RNF220: variants seen among roughly 807,000 people sequenced by gnomAD.
The protein encoded by RNF220 is E3 ubiquitin-protein ligase RNF220.
RNF220 carries 7 observed loss-of-function variants against 67.1 expected under a neutral mutation model. That is an observed-to-expected ratio of 0.10 (90% CI 0.06 to 0.20). RNF220 has a LOEUF of 0.20. Among genes scored for constraint, RNF220 ranks in the 10% least tolerant of loss-of-function variants. The pLI is 1.00. For synonymous variants in RNF220, 270 were observed against 283.2 expected (o/e 0.95, Z 0.47); for missense variants, 565 against 740.3 (o/e 0.76, Z 2.75).
At chr1:44,470,573 ACTC>A (rs1370090035) in intron 2 of RNF220, among the ~76,000 whole-genome samples, 2 of 151,642 alleles carry the variant, frequency 1.3e-5, no homozygotes, top group Non-Finnish European at 2.9e-5. Context: ...GACAGTCTCC[ACTC>A]CTCCTCATTT....
chr1:44,579,400 G>A (rs1488875756), intron 2 of RNF220, among the ~76,000 whole-genome samples: 5 of 152,156 alleles, frequency 3.3e-5, no homozygotes, highest in African/African-American at 1.2e-4. Context: ...CTAAGTGCTA[G>A]TGTGCTGCAT....
rs1312162838 is a variant in RNF220 at position 44,557,154 on chromosome 1, A to AATATATATACATATGTATATATT, written c.626-57009_626-56987dup. Among the ~76,000 whole-genome samples the AATATATATACATATGTATATATT allele has an allele frequency of 4.0e-4, 58 of 146,384 alleles. 1 individual carries two copies. The highest frequency in any genetic ancestry group is 2.5e-4 in the Non-Finnish European group (17 of 66,994). ...ATATTTTATATACGTATGTATATAT[A>AATATATATACATATGTATATATT]ATATATATACATATGTATATATTAA... On this transcript the variant is annotated intron_variant, in intron 2 of 14. Coordinates refer to ENST00000361799, the MANE Select transcript of RNF220 (RefSeq NM_018150.4).
intron 2 of RNF220, among the ~76,000 whole-genome samples, chr1:44,438,234 C>T (rs1277287496): frequency 6.6e-6 from 1 of 152,132 alleles, no homozygotes; most frequent in Non-Finnish European, 1.5e-5. Flanking sequence ...GATCCTCACA[C>T]TTCAGCCTCC....
intron 2 of RNF220, among the ~76,000 whole-genome samples, chr1:44,452,726 C>T (rs1038138050): frequency 1.3e-5 from 2 of 152,100 alleles, no homozygotes; most frequent in African/African-American, 2.4e-5. Flanking sequence ...CTGCCTTGGC[C>T]TTCTTGAAGT....
chr1:44,452,399 C>T (rs945997692), intron 2 of RNF220, among the ~76,000 whole-genome samples: 5 of 150,990 alleles, frequency 3.3e-5, no homozygotes, highest in Admixed American at 6.6e-5. Context: ...ACTAAAAATA[C>T]AAAAATTAGC....
intron 2 of RNF220, among the ~76,000 whole-genome samples, chr1:44,440,992 G>A (rs1651487796): frequency 6.6e-6 from 1 of 152,196 alleles, no homozygotes. Flanking sequence ...AGAGCCGCTG[G>A]CCTGCGGAGT....
rs188011728 is a variant in RNF220, at chr1:44,430,832, A to C, written c.625+18110A>C. 1.7e-3 allele frequency among the ~76,000 whole-genome samples: 258 copies of C among 152,340 alleles called. 1 individual carries two copies. Among genetic ancestry groups the C allele is most frequent in the African/African-American group, 5.6e-3 (233 of 41,588 alleles). Reference sequence around the variant, plus strand: ...AGTGCTGGGATTACAGGCGTGAGCCACCACGCCCAGCCACCAAAAGTTTAT... The same window carrying C: ...AGTGCTGGGATTACAGGCGTGAGCCCCCACGCCCAGCCACCAAAAGTTTAT... On this transcript the variant is annotated intron_variant, in intron 2 of 14. Transcript: ENST00000361799.
intron 2 of RNF220, among the ~76,000 whole-genome samples, chr1:44,590,597 C>T (rs1445030114): frequency 1.3e-5 from 2 of 152,306 alleles, no homozygotes; most frequent in Admixed American, 6.5e-5. Flanking sequence ...AGAATGTTTG[C>T]CCCTGGCAGG....
At chr1:44,595,794 C>T (rs1269615199) in intron 2 of RNF220, among the ~76,000 whole-genome samples, 1 of 151,914 alleles carries the variant, frequency 6.6e-6, no homozygotes, top group Non-Finnish European at 1.5e-5. Flanking sequence ...GATGGAGTCT[C>T]GCTCTGTCGC....
chr1:44,544,624 A>G lies in RNF220; in HGVS notation c.626-69541A>G, dbSNP rs1449137230. ...GAACTGTCCTCCGGAGAAGGAGGGA[A>G]GTGCATCTCTAGCTCACCTTTCTGG... On this transcript the variant is annotated intron_variant, in intron 2 of 14. Transcript: ENST00000361799. Among the ~76,000 whole-genome samples, 4 of 152,238 alleles carry G rather than the reference A, an allele frequency of 2.6e-5. No individual in the cohort carries two copies. In the East Asian group the frequency reaches 5.8e-4, roughly 22 times the overall value.
chr1:44,412,484 G>A lies in RNF220; in HGVS notation c.387G>A (p.Arg129=), dbSNP rs1648066237. 1.2e-6 allele frequency: 2 copies of A among 1,611,594 alleles called. No individual in the cohort carries two copies. The highest frequency in any genetic ancestry group is 1.7e-6 in the Non-Finnish European group (2 of 1,177,946). ...GGCCCTTTGCCTCCACCGAGGACCGGGAGAGCTATCAGTCAGCCTTTACGC... is the reference window on the plus strand; with the variant it reads ...GGCCCTTTGCCTCCACCGAGGACCGAGAGAGCTATCAGTCAGCCTTTACGC... ...AFRPFASTED[R]ESYQSAFTPA... is the part of the protein sequence containing the mutation. Residue 129 remains arginine, a synonymous_variant, in exon 2 of 15, where the codon CGG becomes CGA. Transcript: ENST00000361799. The surrounding 1 kb of genome is among the most constrained non-coding windows in gnomAD (Gnocchi z 5.3).
In RNF220 at chr1:44,621,273, T is replaced by A. The variant is rs546279712; in HGVS notation, c.759-1469T>A. Among the ~76,000 whole-genome samples, 4 of 152,346 alleles carry A rather than the reference T, an allele frequency of 2.6e-5. No homozygotes were observed. The highest frequency in any genetic ancestry group is 9.6e-5 in the African/African-American group (4 of 41,586). On this transcript the variant is annotated intron_variant, in intron 3 of 14. Coordinates refer to ENST00000361799, the MANE Select transcript of RNF220 (RefSeq NM_018150.4). This position sits in a 1 kb window ranked among gnomAD's most constrained non-coding sequence, Gnocchi z 4.8. ...ATATGCCTCTGTGGCCCTGTGCATC[T>A]GTATGCGTGTCTGAGTCTCCAGGTG...
chr1:44,599,191 A>G (rs899352512), intron 2 of RNF220, among the ~76,000 whole-genome samples: 1 of 152,214 alleles, frequency 6.6e-6, no homozygotes, highest in African/African-American at 2.4e-5. Flanking sequence ...GCAGTAAAAA[A>G]ATTAAATAAA....
At chr1:44,506,268 C>A (rs546739347) in intron 2 of RNF220, among the ~76,000 whole-genome samples, 2 of 152,096 alleles carry the variant, frequency 1.3e-5, no homozygotes, top group Non-Finnish European at 2.9e-5. Context: ...TTGCTGGTGG[C>A]GGGTGTGGAG....
intron 2 of RNF220, among the ~76,000 whole-genome samples, chr1:44,481,918 G>C (rs889439863): frequency 6.6e-6 from 1 of 152,234 alleles, no homozygotes; most frequent in Non-Finnish European, 1.5e-5. Flanking sequence ...TCAGTCGTAA[G>C]AGGGTCATTC....
Position 44,614,262 on chromosome 1 carries a change from G to A in RNF220, c.723G>A (p.Glu241=), listed in dbSNP as rs1398478898. The change falls in exon 3 of 15, where the codon GAG becomes GAA. Residue 241 remains glutamate, a synonymous_variant. Coordinates refer to ENST00000361799, the MANE Select transcript of RNF220 (RefSeq NM_018150.4). ...LRPSELQEHM[E]QELEQLAQLP... ...CCAGTGAGCTGCAGGAGCATATGGA[G>A]CAGGAACTGGAGCAGCTAGCCCAAC... 6.2e-7 allele frequency: 1 copy of A among 1,614,140 alleles called. No homozygotes were observed. The highest frequency in any genetic ancestry group is 2.2e-5 in the East Asian group (1 of 44,886).
Position 44,523,466 on chromosome 1 carries a change from G to A in RNF220, c.626-90699G>A, listed in dbSNP as rs1171236965. Among the ~76,000 whole-genome samples the A allele has an allele frequency of 3.3e-5, 5 of 152,374 alleles. No individual in the cohort carries two copies. In the East Asian group the frequency reaches 7.7e-4, roughly 24 times the overall value. On this transcript the variant is annotated intron_variant, in intron 2 of 14. Transcript: ENST00000361799. Reference sequence around the variant, plus strand: ...GGACTAGAGGCCTTGGACATTTAGAGTGGGGATAGGACTTGGTCCCGCGCT... The same window carrying A: ...GGACTAGAGGCCTTGGACATTTAGAATGGGGATAGGACTTGGTCCCGCGCT...
intron 2 of RNF220, among the ~76,000 whole-genome samples, chr1:44,469,274 T>C (rs1447299686): frequency 1.3e-5 from 2 of 152,208 alleles, no homozygotes; most frequent in East Asian, 3.8e-4. Context: ...CTTTGAATCA[T>C]CTGATAAAGG....
chr1:44,425,587 A>G (rs530443329), intron 2 of RNF220, among the ~76,000 whole-genome samples: 15 of 152,282 alleles, frequency 9.9e-5, no homozygotes, highest in African/African-American at 3.4e-4. Flanking sequence ...CAATAGGGCA[A>G]CAGCACAGTC....
Sources: gnomAD v4.1 joint callset for allele counts (sites outside exome capture counted in the v4.1 genomes callset) on GRCh38, gnomAD v4.1.1 for gene constraint, Gnocchi (gnomAD v3.1) non-coding constraint, MANE v1.5 for transcripts, NCBI Gene and HGNC (gene_info 2026-07-23, HGNC 2026-07-21) for gene names.